Variants in EGFLAM observed in about 807,000 individuals in gnomAD.
The protein encoded by EGFLAM is EGF like, fibronectin type III and laminin G domains.
Under a neutral mutation model 113.1 loss-of-function variants are expected in EGFLAM, and 79 were observed. That is an observed-to-expected ratio of 0.70 (90% CI 0.58 to 0.84). EGFLAM has a LOEUF of 0.84. Ranked by LOEUF, EGFLAM falls within the 40% of genes least tolerant of loss-of-function variation. EGFLAM has a pLI of 0.00. For missense variants in EGFLAM, 1,265 were observed against 1,291.6 expected, an observed-to-expected ratio of 0.98 and a Z score of 0.32; for synonymous variants, 504 against 487.6, an observed-to-expected ratio of 1.03 and a Z score of -0.44.
intron 6 of EGFLAM, among the ~76,000 whole-genome samples, chr5:38,376,376 C>T (rs959848545): frequency 6.6e-6 from 1 of 152,198 alleles, no homozygotes; most frequent in Non-Finnish European, 1.5e-5. Flanking sequence ...GGTTATATAA[C>T]TTCCCCTAGG....
intron 20 of EGFLAM, among the ~76,000 whole-genome samples, chr5:38,459,875 T>A (rs1743217164): frequency 6.6e-6 from 1 of 152,184 alleles, no homozygotes. Flanking sequence ...TCCCAGATGG[T>A]CTAGAAAGCC....
At chr5:38,324,043 C>CAAAAAAAA (rs34351121) in intron 1 of EGFLAM, among the ~76,000 whole-genome samples, 1 of 92,296 alleles carries the variant, frequency 1.1e-5, no homozygotes. Flanking sequence ...CCATCTCAAA[C>CAAAAAAAA]AAAAAAAAAA....
chr5:38,446,785 G>A (rs776579062), intron 17 of EGFLAM, among the ~76,000 whole-genome samples: 1 of 152,074 alleles, frequency 6.6e-6, no homozygotes, highest in African/African-American at 2.4e-5. Flanking sequence ...AAAGGCTCTG[G>A]GAAGCTGCCA....
Position 38,438,342 on chromosome 5 carries a change from C to A in EGFLAM, c.2351C>A (p.Ala784Glu). ...DFTSGVNVEN[A>E]AHPCVRAPCA... ...ACCTCCGGAGTGAATGTGGAGAATG[C>A]GGCCCACCCCTGTGTGAGAGCCCCT... is the stretch of plus-strand genomic sequence containing the variant. The change falls in exon 17 of 22, where the codon GCG (alanine) becomes GAG (glutamate). Residue 784 changes from alanine to glutamate, a missense_variant. Coordinates refer to ENST00000322350, the MANE Select transcript of EGFLAM (RefSeq NM_152403.4). 1 of 1,614,008 alleles carries A rather than the reference C, an allele frequency of 6.2e-7. No homozygotes were observed. The highest frequency in any genetic ancestry group is 8.5e-7 in the Non-Finnish European group (1 of 1,179,940).
chr5:38,428,955 C>T (rs558410771), intron 14 of EGFLAM, among the ~76,000 whole-genome samples: 12 of 152,220 alleles, frequency 7.9e-5, no homozygotes, highest in South Asian at 4.1e-4. Context: ...CCCTCCTGAG[C>T]GTAAGCTAAC....
chr5:38,354,771 G>A (rs184947507), intron 5 of EGFLAM, among the ~76,000 whole-genome samples: 1 of 152,130 alleles, frequency 6.6e-6, no homozygotes, highest in South Asian at 2.1e-4. Context: ...ATGGTAGCCT[G>A]GCAGATAATC....
chr5:38,348,629 C>T (rs1024547250), intron 3 of EGFLAM, among the ~76,000 whole-genome samples: 3 of 152,044 alleles, frequency 2.0e-5, no homozygotes, highest in Non-Finnish European at 2.9e-5. Flanking sequence ...GCCAGGTGGG[C>T]GTAAGTTCAG....
At chr5:38,396,010 C>T (rs1411919731) in intron 6 of EGFLAM, among the ~76,000 whole-genome samples, 1 of 107,560 alleles carries the variant, frequency 9.3e-6, no homozygotes, top group Non-Finnish European at 2.0e-5. Flanking sequence ...CTCCATCTCC[C>T]TGCTTTCCTT....
chr5:38,379,875 G>C (rs1383532388), intron 6 of EGFLAM, among the ~76,000 whole-genome samples: 1 of 151,266 alleles, frequency 6.6e-6, no homozygotes, highest in East Asian at 1.9e-4. Context: ...GTATCATGCT[G>C]CTAGCTTTGT....
At chr5:38,369,846 G>A (rs993201892) in intron 5 of EGFLAM, among the ~76,000 whole-genome samples, 10 of 152,208 alleles carry the variant, frequency 6.6e-5, no homozygotes, top group Admixed American at 6.5e-4. Context: ...GTTTTCCCAT[G>A]ACAATTCATG....
At chr5:38,418,518 CTCA>C (rs1741727568) in intron 12 of EGFLAM, among the ~76,000 whole-genome samples, 1 of 152,140 alleles carries the variant, frequency 6.6e-6, no homozygotes, top group African/African-American at 2.4e-5. Flanking sequence ...CAATTTGGGC[CTCA>C]TCATGAAATA....
intron 9 of EGFLAM, among the ~76,000 whole-genome samples, chr5:38,408,137 A>G (rs1741354198): frequency 2.6e-5 from 4 of 152,200 alleles, no homozygotes; most frequent in African/African-American, 9.6e-5. Context: ...ACTGAACTAT[A>G]GAGTAGCTGG....
chr5:38,436,245 C>A (rs967219489), intron 16 of EGFLAM, among the ~76,000 whole-genome samples: 59 of 152,180 alleles, frequency 3.9e-4, no homozygotes, highest in African/African-American at 1.3e-3. Context: ...ACTGGGAGAA[C>A]AAGGATCTGA....
intron 1 of EGFLAM, among the ~76,000 whole-genome samples, chr5:38,301,286 A>T (rs1385763077): frequency 6.6e-6 from 1 of 152,190 alleles, no homozygotes. Flanking sequence ...CCTGGAACCC[A>T]AGTGAAGACT....
intron 1 of EGFLAM, among the ~76,000 whole-genome samples, chr5:38,294,976 T>C (rs1303929786): frequency 6.6e-6 from 1 of 152,114 alleles, no homozygotes; most frequent in African/African-American, 2.4e-5. Flanking sequence ...CAGGCATACA[T>C]GCCACGAGTC....
At chr5:38,404,800 C>T (rs1203911604) in intron 6 of EGFLAM, among the ~76,000 whole-genome samples, 2 of 152,134 alleles carry the variant, frequency 1.3e-5, no homozygotes, top group Non-Finnish European at 2.9e-5. Flanking sequence ...AAGTTAATAC[C>T]TGTGCTGGCC....
At chr5:38,412,744 G>C in intron 11 of EGFLAM, 96 bp downstream of exon 11, 1 of 1,489,604 alleles carries the variant, frequency 6.7e-7, no homozygotes, top group Non-Finnish European at 8.9e-7. Flanking sequence ...AGAGTCTGCA[G>C]GATTCAAGTT....
At chr5:38,421,089 A>G (rs938933266) in intron 12 of EGFLAM, among the ~76,000 whole-genome samples, 13 of 152,162 alleles carry the variant, frequency 8.5e-5, no homozygotes, top group Non-Finnish European at 1.2e-4. Context: ...CTCACCAGGG[A>G]GGTCATGGTT....
intron 10 of EGFLAM, among the ~76,000 whole-genome samples, chr5:38,410,353 C>T (rs946365152): frequency 6.6e-6 from 1 of 152,172 alleles, no homozygotes; most frequent in African/African-American, 2.4e-5. Flanking sequence ...ATCGGATAGA[C>T]TCTCAGTAGC....
Sources: gnomAD v4.1 joint callset for allele counts (sites outside exome capture counted in the v4.1 genomes callset) on GRCh38, gnomAD v4.1.1 for gene constraint, MANE v1.5 for transcripts, NCBI Gene and HGNC (gene_info 2026-07-23, HGNC 2026-07-21) for gene names.